HNRNPH1: variants seen among roughly 807,000 people sequenced by gnomAD.
HNRNPH1 encodes the protein heterogeneous nuclear ribonucleoprotein H.
HNRNPH1 carries 4 observed loss-of-function variants against 58.6 expected under a neutral mutation model. The observed-to-expected ratio is 0.07, with a 90% CI of 0.03 to 0.16. The LOEUF (loss-of-function observed/expected upper bound fraction) is 0.16, where lower values mean the gene tolerates loss of function less well. Ranked by LOEUF, HNRNPH1 falls within the 10% of genes least tolerant of loss-of-function variation. The pLI, the probability that HNRNPH1 is intolerant of heterozygous loss-of-function variation, is 1.00. For synonymous variants in HNRNPH1, 192 were observed against 189.2 expected (o/e 1.01, Z -0.12); for missense variants, 271 against 564.2 (o/e 0.48, Z 5.26).
chr5:179,623,168 C>A lies in HNRNPH1; in HGVS notation c.-35G>T, dbSNP rs1294279193. On this transcript the variant is annotated 5_prime_UTR_variant, in exon 1 of 13. Transcript: ENST00000356731. ...CGCGGTCCGGCGTCGAAACAAACTG[C>A]AAAGCGGGGAGGACCAGAACTGAGA... The A allele has an allele frequency of 1.3e-6, 2 of 1,506,352 alleles. No homozygotes were observed. Among genetic ancestry groups the A allele is most frequent in the African/African-American group, 2.8e-5 (2 of 72,380 alleles). 93.3% of individuals were successfully genotyped at this position (1,506,352 alleles called of 1,614,324 possible).
intron 8 of HNRNPH1, 45 bp downstream of exon 9, chr5:179,617,469 A>G: frequency 6.3e-7 from 1 of 1,586,920 alleles, no homozygotes; most frequent in Non-Finnish European, 8.6e-7. Flanking sequence ...AATGTTAGTC[A>G]CACAATCACC....
intron 2 of HNRNPH1, among the ~76,000 whole-genome samples, chr5:179,633,295 T>TGTTG (rs1343670860): frequency 1.7e-5 from 1 of 60,094 alleles, no homozygotes; most frequent in Non-Finnish European, 3.7e-5. Flanking sequence ...CCGGCCTGTT[T>TGTTG]GTTTGTTTGT....
At chr5:179,620,752 G>T (rs1581698809) in intron 3 of HNRNPH1, 140 bp downstream of exon 4, 1 of 682,478 alleles carries the variant, frequency 1.5e-6, no homozygotes, top group Non-Finnish European at 2.5e-6. Context: ...TTATTTGAAG[G>T]TCTCTAGGAA....
chr5:179,628,555 T>C (rs1031163583), upstream of HNRNPH1, among the ~76,000 whole-genome samples: 5 of 152,074 alleles, frequency 3.3e-5, no homozygotes, highest in Admixed American at 6.6e-5. Context: ...GGTTTTGCCA[T>C]GTTGACCTCA....
chr5:179,620,769 A>G, intron 3 of HNRNPH1, 123 bp downstream of exon 4: 1 of 785,152 alleles, frequency 1.3e-6, no homozygotes, highest in East Asian at 2.6e-5. Context: ...GGAAGAAAAC[A>G]TTAATTCATT....
At position 179,618,088 on chromosome 5, in the gene HNRNPH1, TA is replaced by T. The variant is rs764593164; in HGVS notation, c.716-29del. The T allele has an allele frequency of 8.1e-6, 13 of 1,613,400 alleles. No individual in the cohort carries two copies. In the African/African-American group the frequency reaches 1.7e-4, roughly 22 times the overall value. ...GAAAGACAAAGTACAATCAATCAAA[TA>T]AAACACCTAGACAAAGGAACAGACG... On this transcript the variant is annotated intron_variant, in intron 5 of 12. Coordinates refer to ENST00000356731, the Ensembl canonical transcript of HNRNPH1.
intron 2 of HNRNPH1, chr5:179,633,889 G>A (rs1775048756): frequency 6.8e-6 from 1 of 146,160 alleles, no homozygotes; most frequent in South Asian, 2.2e-4. Context: ...CCACACTCCA[G>A]CCTGGGTGAT....
intron 4 of HNRNPH1, 142 bp downstream of exon 5, chr5:179,619,127 C>T: frequency 1.4e-6 from 1 of 727,522 alleles, no homozygotes; most frequent in South Asian, 2.5e-5. Flanking sequence ...TAACGTGGGA[C>T]TGACACAAGT....
At position 179,616,803 on chromosome 5, in the gene HNRNPH1, CTT is replaced by C. The variant is rs145035630; in HGVS notation, c.1207+64_1207+65del. On this transcript the variant is annotated intron_variant, in intron 10 of 12. Coordinates refer to ENST00000356731, the Ensembl canonical transcript of HNRNPH1. ...TAAACTTATTAAATAAATAGATTAA[CTT>C]AACTTATAATTGACTTATACAGATA... 1.7e-3 allele frequency: 2,190 copies of C among 1,311,322 alleles called. 66 individuals are homozygous for C. In the East Asian group the frequency reaches 0.043, roughly 26 times the overall value. The allele number at this position is 1,311,322 out of a possible 1,614,324, so 81.2% of individuals were successfully genotyped here. A position where few individuals can be genotyped will look rare whatever the true frequency, so the allele number is the denominator to read the frequency against.
chr5:179,627,921 C>CA (rs574977616), upstream of HNRNPH1, among the ~76,000 whole-genome samples: 49,426 of 126,442 alleles, frequency 0.39, 9,673 homozygotes, highest in East Asian at 0.67. Flanking sequence ...GATTCCATTG[C>CA]AAAAAAAAAA....
At chr5:179,629,263 C>G (rs1291886180), upstream of HNRNPH1, 1 of 151,166 alleles carries the variant, frequency 6.6e-6, no homozygotes, top group Non-Finnish European at 1.5e-5. Context: ...CGCCATTGCA[C>G]TCCAGCCTGG....
At chr5:179,617,454 T>C (rs1770330952) in intron 8 of HNRNPH1, 60 bp downstream of exon 9, 6 of 1,550,664 alleles carry the variant, frequency 3.9e-6, no homozygotes, top group East Asian at 2.2e-5. Flanking sequence ...CATTTCTCTA[T>C]TGTAAATGTT....
At position 179,616,227 on chromosome 5, in the gene HNRNPH1, T is replaced by A. The variant is rs749370404; in HGVS notation, c.1208-9A>T. On this transcript the variant is annotated splice_polypyrimidine_tract_variant and intron_variant, in intron 10 of 12. Coordinates refer to ENST00000356731, the Ensembl canonical transcript of HNRNPH1. ...GTAGCTGGACTGGTTTGCTGTTAAG[T>A]TAAGAAAACATTAGAACCTTTTTTC... 13 of 1,608,894 alleles carry A rather than the reference T, an allele frequency of 8.1e-6. No individual in the cohort carries two copies. Among genetic ancestry groups the A allele is most frequent in the African/African-American group, 4.0e-5 (3 of 74,148 alleles).
At chr5:179,617,638 C>G in exon 8 of HNRNPH1, 1 of 1,612,620 alleles carries the variant, frequency 6.2e-7, no homozygotes, top group South Asian at 1.1e-5. Flanking sequence ...CAGGGTTGAG[C>G]GGTGAAAAAA....
At chr5:179,619,035 T>G in intron 4 of HNRNPH1, 1 of 340,552 alleles carries the variant, frequency 2.9e-6, no homozygotes, top group Non-Finnish European at 5.4e-6. Context: ...ACTCTATTGA[T>G]TGGGGTTAAT....
At chr5:179,620,170 ATAC>A (rs1465873015) in intron 3 of HNRNPH1, 1 of 152,266 alleles carries the variant, frequency 6.6e-6, no homozygotes, top group Non-Finnish European at 1.5e-5. Context: ...AATTTTTAAC[ATAC>A]TACACTAAAC....
At chr5:179,614,732 C>T in exon 13 of HNRNPH1, 1 of 596,384 alleles carries the variant, frequency 1.7e-6, no homozygotes, top group Non-Finnish European at 2.8e-6. Flanking sequence ...TTAGAGTAAG[C>T]ATAAATCACA....
chr5:179,615,689 A>T, intron 11 of HNRNPH1, 94 bp from the exon 13 acceptor site: 1 of 655,292 alleles, frequency 1.5e-6, no homozygotes, highest in Non-Finnish European at 2.7e-6. Context: ...TCCTAGGTTA[A>T]CTGACTAATA....
chr5:179,617,733 T>C (rs1770482728), intron 7 of HNRNPH1, 66 bp downstream of exon 8: 2 of 1,606,778 alleles, frequency 1.2e-6, no homozygotes, highest in Admixed American at 3.4e-5. Flanking sequence ...AGTGCTCACA[T>C]TTATAGAATA....
Sources: allele counts gnomAD v4.1 joint callset (sites outside exome capture counted in the v4.1 genomes callset), GRCh38; gene constraint gnomAD v4.1.1; transcripts MANE v1.5; gene names NCBI Gene and HGNC (gene_info 2026-07-23, HGNC 2026-07-21).